WDR20: variants seen among roughly 807,000 people sequenced by gnomAD.
WDR20 encodes the protein WD repeat-containing protein 20.
Under a neutral mutation model 38.7 loss-of-function variants are expected in WDR20, and 3 were observed. The ratio of observed to expected loss-of-function variants is 0.08; its 90% CI spans 0.04 to 0.20. The LOEUF (loss-of-function observed/expected upper bound fraction) is 0.20. Among genes scored for constraint, WDR20 ranks in the 10% least tolerant of loss-of-function variants. WDR20 has a pLI of 1.00. For missense variants in WDR20, 559 were observed against 727.7 expected, an observed-to-expected ratio of 0.77 and a Z score of 2.67; for synonymous variants, 298 against 285.6, an observed-to-expected ratio of 1.04 and a Z score of -0.44.
chr14:102,158,166 C>T (rs1043919296), intron 1 of WDR20, among the ~76,000 whole-genome samples: 3 of 152,168 alleles, frequency 2.0e-5, no homozygotes, highest in South Asian at 2.1e-4. Context: ...CACATCTGCA[C>T]GTGTGCCCTG....
chr14:102,174,825 A>C (rs2061715199), intron 1 of WDR20, among the ~76,000 whole-genome samples: 1 of 152,052 alleles, frequency 6.6e-6, no homozygotes, highest in South Asian at 2.1e-4. Context: ...ATTTTTTCAT[A>C]TGTTTACTGT....
chr14:102,216,015 G>A (rs1303935680), downstream of WDR20, among the ~76,000 whole-genome samples: 1 of 152,116 alleles, frequency 6.6e-6, no homozygotes, highest in Non-Finnish European at 1.5e-5. Flanking sequence ...TCCCTGCTGT[G>A]TCATGAGACA....
chr14:102,156,475 A>T (rs1453126578), intron 1 of WDR20, among the ~76,000 whole-genome samples: 1 of 151,892 alleles, frequency 6.6e-6, no homozygotes, highest in Non-Finnish European at 1.5e-5. Flanking sequence ...GCCCCATTAG[A>T]TCTTGTTATT....
At chr14:102,174,363 A>G (rs1438857306) in intron 1 of WDR20, among the ~76,000 whole-genome samples, 5 of 152,156 alleles carry the variant, frequency 3.3e-5, no homozygotes, top group Non-Finnish European at 7.3e-5. Context: ...CCCACCAGCC[A>G]TGTAAAAGTG....
At chr14:102,142,358 A>C (rs898482582) in intron 1 of WDR20, among the ~76,000 whole-genome samples, 1 of 152,232 alleles carries the variant, frequency 6.6e-6, no homozygotes, top group Non-Finnish European at 1.5e-5. Flanking sequence ...CTGATTTAAA[A>C]TATAGGAAAT....
upstream of WDR20, chr14:102,139,831 G>A (rs2050239540): frequency 5.8e-6 from 9 of 1,541,006 alleles, no homozygotes; most frequent in South Asian, 9.8e-5. Flanking sequence ...GAAGGAAGAG[G>A]CAGGGGGTGG....
intron 1 of WDR20, among the ~76,000 whole-genome samples, chr14:102,188,136 T>A (rs1596502964): frequency 1.3e-5 from 2 of 152,352 alleles, no homozygotes; most frequent in South Asian, 2.1e-4. Flanking sequence ...AGATTATAAT[T>A]TGACACACAT....
At chr14:102,168,016 C>G (rs565965062) in intron 1 of WDR20, among the ~76,000 whole-genome samples, 2 of 152,310 alleles carry the variant, frequency 1.3e-5, no homozygotes, top group East Asian at 3.9e-4. Context: ...TTCGCCTGAT[C>G]TTTCTCATCT....
At chr14:102,140,308 G>C in intron 1 of WDR20, 136 bp downstream of exon 1, 1 of 1,376,642 alleles carries the variant, frequency 7.3e-7, no homozygotes, top group Admixed American at 2.2e-5. Context: ...ACTCCACTGG[G>C]GTACTCCTGA....
intron 2 of WDR20, among the ~76,000 whole-genome samples, chr14:102,203,605 C>T (rs1400668541): frequency 6.6e-6 from 1 of 152,166 alleles, no homozygotes; most frequent in Non-Finnish European, 1.5e-5. Context: ...CCTGGATCCC[C>T]ACCCCCCTGG....
chr14:102,219,699 A>G (rs2063663090), downstream of WDR20, among the ~76,000 whole-genome samples: 1 of 152,248 alleles, frequency 6.6e-6, no homozygotes, highest in Non-Finnish European at 1.5e-5. Flanking sequence ...TGAGTGCTGC[A>G]GCATGGGGAC....
chr14:102,155,937 A>ATTTTT (rs372247826), intron 1 of WDR20, among the ~76,000 whole-genome samples: 2 of 133,290 alleles, frequency 1.5e-5, no homozygotes, highest in Non-Finnish European at 3.3e-5. Flanking sequence ...CTAATTTTTA[A>ATTTTT]TTTTTTTTTT....
intron 1 of WDR20, among the ~76,000 whole-genome samples, chr14:102,168,789 T>C (rs1336426497): frequency 6.6e-6 from 1 of 152,138 alleles, no homozygotes; most frequent in African/African-American, 2.4e-5. Flanking sequence ...TCTAAATATA[T>C]CCAGAATCTG....
chr14:102,148,643 C>T (rs2152705388), intron 1 of WDR20, among the ~76,000 whole-genome samples: 2 of 150,378 alleles, frequency 1.3e-5, no homozygotes, highest in Middle Eastern at 6.9e-3. Context: ...GTGTATTTAA[C>T]ACTCCTGTCT....
At chr14:102,148,560 A>G (rs2054501389) in intron 1 of WDR20, among the ~76,000 whole-genome samples, 1 of 151,852 alleles carries the variant, frequency 6.6e-6, no homozygotes, top group East Asian at 1.9e-4. Context: ...AAAAAATCAT[A>G]ATCCTCATTC....
rs994148563 is a variant in WDR20 at position 102,220,184 on chromosome 14, G to A, written c.1693-2646G>A. ...TGCGTCTCAGCAGCCGCCCTCCCCT[G>A]GGAGTGATGGAAAGCAGCCGAGTCC... On this transcript the variant is annotated intron_variant, in intron 3 of 3. Coordinates refer to the WDR20 transcript ENST00000335263. This position sits in a 1 kb window ranked among gnomAD's most constrained non-coding sequence, Gnocchi z 4.2. Among the ~76,000 whole-genome samples the A allele has an allele frequency of 3.3e-5, 5 of 152,170 alleles. No individual in the cohort carries two copies. The highest frequency in any genetic ancestry group is 1.2e-4 in the African/African-American group (5 of 41,426).
chr14:102,197,971 C>G (rs2059683127), intron 2 of WDR20: 2 of 563,532 alleles, frequency 3.5e-6, no homozygotes. Context: ...CCTGTGACCC[C>G]TCTCAGGAGG....
chr14:102,196,247 TCTG>T lies in WDR20; in HGVS notation c.432+1128_432+1130del, dbSNP rs530548107. 2.9e-3 allele frequency among the ~76,000 whole-genome samples: 440 copies of T among 152,292 alleles called. 4 individuals are homozygous for T. The highest frequency in any genetic ancestry group is 0.01 in the African/African-American group (418 of 41,546). ...AACCATGCCATCTCTTCTAGTTTCC[TCTG>T]AGTTGACTGGAAACAAAACTTGCCA... On this transcript the variant is annotated intron_variant, in intron 2 of 2. Coordinates refer to ENST00000342702, the MANE Select transcript of WDR20 (RefSeq NM_144574.4).
At chr14:102,172,940 G>A (rs1033246821) in intron 1 of WDR20, among the ~76,000 whole-genome samples, 2 of 148,032 alleles carry the variant, frequency 1.4e-5, no homozygotes, top group Non-Finnish European at 3.0e-5. Flanking sequence ...ACGGGGTCGC[G>A]ACTGGGCAGA....
Sources: gnomAD v4.1 joint callset for allele counts (sites outside exome capture counted in the v4.1 genomes callset) on GRCh38, gnomAD v4.1.1 for gene constraint, Gnocchi (gnomAD v3.1) non-coding constraint, MANE v1.5 for transcripts, NCBI Gene and HGNC (gene_info 2026-07-23, HGNC 2026-07-21) for gene names.